Variants in TENM3 observed in about 807,000 individuals in gnomAD.
TENM3 encodes the protein teneurin-3.
TENM3 carries 63 observed loss-of-function variants against 255.1 expected under a neutral mutation model. That is an observed-to-expected ratio of 0.25 (90% CI 0.20 to 0.30). The LOEUF is 0.30. TENM3 is among the 10% of genes least tolerant of loss of function. The pLI is 1.00. For missense variants in TENM3, 2,929 were observed against 3,461.1 expected (o/e 0.85, Z 3.86); for synonymous variants, 1,306 against 1,322.3 (o/e 0.99, Z 0.27).
intron 3 of TENM3, among the ~76,000 whole-genome samples, chr4:182,493,556 G>A (rs79059189): frequency 7.9e-4 from 120 of 152,058 alleles, no homozygotes; most frequent in African/African-American, 2.8e-3. Context: ...AAGGCTTTAC[G>A]GCACTCATAT....
chr4:181,551,413 C>T, the TENM3 span, among the ~76,000 whole-genome samples: 19 of 152,090 alleles, frequency 1.2e-4, no homozygotes, highest in Admixed American at 5.2e-4. Context: ...TAATGTTTAA[C>T]GTGGGCTGCT....
chr4:182,074,178 A>G, the TENM3 span, among the ~76,000 whole-genome samples: 196 of 152,290 alleles, frequency 1.3e-3, 6 homozygotes, highest in South Asian at 0.04. Context: ...AACATAAAAC[A>G]CATGTAACCA....
At chr4:181,749,534 G>A in the TENM3 span, among the ~76,000 whole-genome samples, 5 of 152,270 alleles carry the variant, frequency 3.3e-5, no homozygotes, top group South Asian at 4.1e-4. Flanking sequence ...TTGAGGGCAA[G>A]TATGTGACTG....
At chr4:181,514,233 A>G in the TENM3 span, among the ~76,000 whole-genome samples, 2 of 152,202 alleles carry the variant, frequency 1.3e-5, no homozygotes, top group African/African-American at 4.8e-5. Context: ...CTGTGAAAAC[A>G]TAAACTTTTT....
At chr4:181,934,672 T>G in the TENM3 span, among the ~76,000 whole-genome samples, 1 of 152,164 alleles carries the variant, frequency 6.6e-6, no homozygotes, top group African/African-American at 2.4e-5. Context: ...GAGGTCATAT[T>G]AGGTCAATTC....
chr4:182,400,882 C>T (rs746095217), intron 3 of TENM3, among the ~76,000 whole-genome samples: 8 of 152,012 alleles, frequency 5.3e-5, no homozygotes, highest in Non-Finnish European at 8.8e-5. Context: ...TCAGGTTAAC[C>T]GTGGATTCAT....
chr4:181,954,742 T>C, the TENM3 span, among the ~76,000 whole-genome samples: 1 of 152,192 alleles, frequency 6.6e-6, no homozygotes, highest in Non-Finnish European at 1.5e-5. Context: ...TGTTTCTGCT[T>C]TTTGCATCCT....
chr4:181,899,973 T>G, the TENM3 span, among the ~76,000 whole-genome samples: 3 of 152,214 alleles, frequency 2.0e-5, no homozygotes, highest in Admixed American at 6.5e-5. Context: ...GACAAATTTT[T>G]TAACCTTTCA....
At chr4:182,435,602 T>C (rs1358250824) in intron 3 of TENM3, among the ~76,000 whole-genome samples, 2 of 152,192 alleles carry the variant, frequency 1.3e-5, no homozygotes, top group Admixed American at 1.3e-4. Flanking sequence ...ACTGCTTGCC[T>C]GCCTGCCTGC....
the TENM3 span, among the ~76,000 whole-genome samples, chr4:181,805,195 C>G: frequency 6.6e-6 from 1 of 152,154 alleles, no homozygotes; most frequent in Admixed American, 6.5e-5. Flanking sequence ...CCTTCATTGA[C>G]TCAACGACTT....
chr4:182,163,428 T>C (rs544083151), intron 1 of TENM3, among the ~76,000 whole-genome samples: 1 of 152,200 alleles, frequency 6.6e-6, no homozygotes, highest in South Asian at 2.1e-4. Flanking sequence ...CACAAGGGGA[T>C]TTAGTTAGCA....
intron 15 of TENM3, among the ~76,000 whole-genome samples, chr4:182,730,576 TG>T (rs1442556619): frequency 6.6e-6 from 1 of 152,198 alleles, no homozygotes; most frequent in Non-Finnish European, 1.5e-5. Flanking sequence ...AGCAGATGTA[TG>T]TTGAAATCTT....
chr4:181,673,284 A>G, the TENM3 span, among the ~76,000 whole-genome samples: 13 of 152,142 alleles, frequency 8.5e-5, no homozygotes, highest in Non-Finnish European at 1.8e-4. Context: ...TGATGTTTCT[A>G]TAATTTCTAC....
At chr4:182,457,115 G>T (rs548618755) in intron 3 of TENM3, among the ~76,000 whole-genome samples, 1 of 151,688 alleles carries the variant, frequency 6.6e-6, no homozygotes, top group African/African-American at 2.4e-5. Flanking sequence ...CACCTGGGAG[G>T]CGGAGGTTGC....
At chr4:182,339,658 T>G (rs955732121) in intron 2 of TENM3, among the ~76,000 whole-genome samples, 1 of 152,180 alleles carries the variant, frequency 6.6e-6, no homozygotes, top group Non-Finnish European at 1.5e-5. Flanking sequence ...TTGTATCTGG[T>G]TCCTTGCCAC....
At chr4:181,665,109 C>T in the TENM3 span, among the ~76,000 whole-genome samples, 1 of 152,110 alleles carries the variant, frequency 6.6e-6, no homozygotes, top group Non-Finnish European at 1.5e-5. Context: ...TCCCCAAGCT[C>T]GCATTCTGGC....
chr4:182,594,949 C>T (rs1272439867), intron 3 of TENM3, among the ~76,000 whole-genome samples: 1 of 152,104 alleles, frequency 6.6e-6, no homozygotes, highest in Non-Finnish European at 1.5e-5. Flanking sequence ...AACTCCTGAC[C>T]TCATGATCTG....
the TENM3 span, among the ~76,000 whole-genome samples, chr4:181,452,831 C>T: frequency 6.6e-6 from 1 of 152,072 alleles, no homozygotes; most frequent in South Asian, 2.1e-4. Context: ...ATACTAATGC[C>T]AAAAGACTTC....
chr4:182,386,859 C>T (rs186116939), intron 3 of TENM3, among the ~76,000 whole-genome samples: 16 of 152,346 alleles, frequency 1.1e-4, no homozygotes, highest in Admixed American at 9.8e-4. Context: ...CTGTGCAGCC[C>T]GAGCCTCCCC....
Sources: gnomAD v4.1 joint callset for allele counts (sites outside exome capture counted in the v4.1 genomes callset) on GRCh38, gnomAD v4.1.1 for gene constraint, MANE v1.5 for transcripts, NCBI Gene and HGNC (gene_info 2026-07-23, HGNC 2026-07-21) for gene names.